The following ABCE1 variants were observed in gnomAD, a reference collection of about 807,000 sequenced individuals.
ABCE1 encodes ATP-binding cassette sub-family E member 1.
A neutral mutation model predicts 83.4 loss-of-function variants in ABCE1; 22 were observed. The ratio of observed to expected loss-of-function variants is 0.26; its 90% CI spans 0.19 to 0.38. The LOEUF is 0.38. Ranked by LOEUF, ABCE1 falls within the 10% of genes least tolerant of loss-of-function variation. ABCE1 has a pLI of 1.00. For missense variants in ABCE1, 330 were observed against 721.9 expected (o/e 0.46, Z 6.22); for synonymous variants, 204 against 233.7 (o/e 0.87, Z 1.16).
In ABCE1 at chr4:145,120,173, A is replaced by AT; in HGVS notation, c.1144+21dup. The AT allele has an allele frequency of 6.3e-7, 1 of 1,576,918 alleles. No homozygotes were observed. The highest frequency in any genetic ancestry group is 8.6e-7 in the Non-Finnish European group (1 of 1,162,214). Reference sequence around the variant, plus strand: ...AAAATGGTAAGTTTTCTGTTTTGTGATAAGTAAAAATCTTCCTGTTTATCT... The same window carrying AT: ...AAAATGGTAAGTTTTCTGTTTTGTGATTAAGTAAAAATCTTCCTGTTTATCT... On this transcript the variant is annotated intron_variant, in intron 11 of 17. Coordinates refer to ENST00000296577, the MANE Select transcript of ABCE1 (RefSeq NM_002940.3).
Position 145,123,209 on chromosome 4 carries a change from A to G in ABCE1, c.1375-6A>G. The G allele has an allele frequency of 6.3e-7, 1 of 1,597,182 alleles. No individual in the cohort carries two copies. Among genetic ancestry groups the G allele is most frequent in the Non-Finnish European group, 8.5e-7 (1 of 1,174,194 alleles). ...TTTACATGGTTTGCTAAACTCCTCC[A>G]ATTAGGTGCAGACATTATCTGGTGG... On this transcript the variant is annotated splice_region_variant and splice_polypyrimidine_tract_variant and intron_variant, in intron 14 of 17. Transcript: ENST00000296577.
chr4:145,123,387 A>G (rs79778228), intron 15 of ABCE1, 30 bp downstream of exon 15: 3 of 1,596,218 alleles, frequency 1.9e-6, no homozygotes, highest in African/African-American at 2.7e-5. Context: ...CCATATTTTG[A>G]TTATGTATAC....
chr4:145,126,449 A>G (rs562546613), intron 17 of ABCE1, among the ~76,000 whole-genome samples: 1 of 152,154 alleles, frequency 6.6e-6, no homozygotes, highest in East Asian at 1.9e-4. Flanking sequence ...GCCCACCACC[A>G]CACCCGACTA....
chr4:145,103,603 CAG>C (rs2126698827), intron 1 of ABCE1, among the ~76,000 whole-genome samples: 1 of 152,274 alleles, frequency 6.6e-6, no homozygotes, highest in South Asian at 2.1e-4. Flanking sequence ...CCATTTCTGT[CAG>C]TGTCATTATA....
chr4:145,118,879 G>A (rs2126711050), intron 10 of ABCE1, among the ~76,000 whole-genome samples: 1 of 151,938 alleles, frequency 6.6e-6, no homozygotes, highest in South Asian at 2.1e-4. Flanking sequence ...TGTAAAGACT[G>A]ACTTGCTGTG....
intron 9 of ABCE1, among the ~76,000 whole-genome samples, chr4:145,112,925 G>C (rs1579215726): frequency 1.3e-5 from 2 of 152,126 alleles, no homozygotes; most frequent in Admixed American, 1.3e-4. Flanking sequence ...CAAATTTACT[G>C]TATGACAAAG....
intron 7 of ABCE1, chr4:145,110,699 A>C (rs1032582222): frequency 1.9e-6 from 1 of 536,054 alleles, no homozygotes; most frequent in Non-Finnish European, 3.3e-6. Flanking sequence ...CTGGTCTCGA[A>C]CTCCCACCTG....
intron 9 of ABCE1, 96 bp downstream of exon 9, chr4:145,112,424 T>C (rs1749506036): frequency 1.2e-6 from 1 of 867,530 alleles, no homozygotes; most frequent in African/African-American, 1.8e-5. Context: ...GTGATGTACA[T>C]ATTTTTTATC....
At position 145,123,357 on chromosome 4, in the gene ABCE1, G is replaced by A. The variant is rs1282696739; in HGVS notation, c.1517G>A (p.Arg506His). The A allele has an allele frequency of 5.0e-6, 8 of 1,602,438 alleles. No homozygotes were observed. The highest frequency in any genetic ancestry group is 2.7e-5 in the African/African-American group (2 of 74,344). ...QRLMAARVVKRFILHAKKTAF... is the reference protein window; with the variant it reads ...QRLMAARVVKHFILHAKKTAF... Reference sequence around the variant, plus strand: ...CTGATGGCAGCTCGAGTTGTCAAACGGTAAATATCTTGCTCCTAGCCATAT... The same window carrying A: ...CTGATGGCAGCTCGAGTTGTCAAACAGTAAATATCTTGCTCCTAGCCATAT... Residue 506 changes from arginine to histidine, a missense_variant and splice_region_variant, in exon 15 of 18, where the codon CGT becomes CAT. Transcript: ENST00000296577.
intron 13 of ABCE1, 117 bp from the exon 14 acceptor site, chr4:145,122,904 C>A: frequency 1.5e-6 from 1 of 651,522 alleles, no homozygotes; most frequent in Non-Finnish European, 2.5e-6. Context: ...ACATTGATAT[C>A]TGTTGGTGGC....
chr4:145,126,116 T>C (rs566475493), intron 17 of ABCE1, among the ~76,000 whole-genome samples: 1 of 152,130 alleles, frequency 6.6e-6, no homozygotes, highest in African/African-American at 2.4e-5. Context: ...GAGGAAAACA[T>C]TGTGTCTACT....
intron 3 of ABCE1, among the ~76,000 whole-genome samples, chr4:145,106,372 C>T (rs1027536909): frequency 2.0e-5 from 3 of 151,732 alleles, no homozygotes; most frequent in African/African-American, 4.8e-5. Context: ...TTTAAGTATC[C>T]GGAAAGATTT....
In ABCE1 at chr4:145,127,583, G is replaced by C. The variant is rs4148235; in HGVS notation, c.*10G>C. The C allele has an allele frequency of 2.8e-3, 4,253 of 1,544,038 alleles. 48 individuals are homozygous for C. In the East Asian group the frequency reaches 0.039, roughly 14 times the overall value. ...TTTCTTGGATGATTAGACTGACTCT[G>C]AGAATATTGATAAGCCATTTATTAA... On this transcript the variant is annotated 3_prime_UTR_variant, in exon 18 of 18. Coordinates refer to ENST00000296577, the MANE Select transcript of ABCE1 (RefSeq NM_002940.3).
chr4:145,120,251 G>A (rs1749708338), intron 11 of ABCE1, 98 bp downstream of exon 11: 2 of 1,020,974 alleles, frequency 2.0e-6, no homozygotes, highest in African/African-American at 3.3e-5. Context: ...ATGTTATAGG[G>A]CTAGAAGCAG....
At chr4:145,107,924 G>T in intron 3 of ABCE1, 91 bp from the exon 4 acceptor site, 1 of 938,512 alleles carries the variant, frequency 1.1e-6, no homozygotes, top group Non-Finnish European at 1.6e-6. Flanking sequence ...ATGTTTAGAA[G>T]ATTGCTTATA....
chr4:145,119,551 TAAAA>T (rs1424499032), intron 10 of ABCE1, among the ~76,000 whole-genome samples: 2 of 151,906 alleles, frequency 1.3e-5, no homozygotes, highest in Non-Finnish European at 2.9e-5. Flanking sequence ...CATTGTATAT[TAAAA>T]AATTTATCCC....
In ABCE1 at chr4:145,111,002, T is replaced by A. The variant is rs1308773077; in HGVS notation, c.648T>A (p.Asp216Glu). The change falls in exon 8 of 18, where the codon GAT (aspartate) becomes GAA (glutamate). Residue 216 changes from aspartate (D) to glutamate (E), a missense_variant. Coordinates refer to ENST00000296577, the MANE Select transcript of ABCE1 (RefSeq NM_002940.3). ...LTHLKERNVEDLSGGELQRFA... is the reference protein window; with the variant it reads ...LTHLKERNVEELSGGELQRFA... ...ACCTAAAAGAACGAAATGTTGAAGA[T>A]CTTTCAGGAGGAGAGTTGCAGAGAT... 9.9e-6 allele frequency: 16 copies of A among 1,612,434 alleles called. No individual in the cohort carries two copies. Among genetic ancestry groups the A allele is most frequent in the Non-Finnish European group, 1.4e-5 (16 of 1,179,504 alleles).
At chr4:145,123,176 TG>T in intron 14 of ABCE1, 38 bp from the exon 15 acceptor site, 1 of 1,587,394 alleles carries the variant, frequency 6.3e-7, no homozygotes, top group Non-Finnish European at 8.5e-7. Context: ...TTTTGAATTT[TG>T]GATGCCTTTA....
At chr4:145,107,071 A>G (rs990348248) in intron 3 of ABCE1, among the ~76,000 whole-genome samples, 1 of 152,220 alleles carries the variant, frequency 6.6e-6, no homozygotes, top group South Asian at 2.1e-4. Flanking sequence ...TAGCCATATT[A>G]CCATTCTTAA....
Sources: gnomAD v4.1 joint callset for allele counts (sites outside exome capture counted in the v4.1 genomes callset) on GRCh38, gnomAD v4.1.1 for gene constraint, MANE v1.5 for transcripts, NCBI Gene and HGNC (gene_info 2026-07-23, HGNC 2026-07-21) for gene names.